Variants in AURKA observed in about 807,000 individuals in gnomAD.
The protein encoded by AURKA is aurora 2.
Under a neutral mutation model 40.9 loss-of-function variants are expected in AURKA, and 12 were observed. That is an observed-to-expected ratio of 0.29 (90% CI 0.19 to 0.48). AURKA has a LOEUF of 0.48. AURKA is among the 20% of genes least tolerant of loss of function. The probability of loss-of-function intolerance (pLI) is 0.99; values close to 1 mark genes in which losing one functional copy is unlikely to be tolerated. For missense variants in AURKA, 322 were observed against 462.1 expected (o/e 0.70, Z 2.78); for synonymous variants, 170 against 164.3 (o/e 1.03, Z -0.26).
chr20:56,391,933 C>A (rs1200431636), intron 1 of AURKA: 3 of 106,132 alleles, frequency 2.8e-5, no homozygotes, highest in African/African-American at 1.1e-4. Flanking sequence ...ACTCAACAAA[C>A]CCCTTGTACC....
chr20:56,386,599 T>C (rs984055251), intron 2 of AURKA, 66 bp from the exon 3 acceptor site: 2 of 1,583,238 alleles, frequency 1.3e-6, no homozygotes, highest in African/African-American at 1.3e-5. Context: ...TATTGAGAAT[T>C]TCACAAAGTT....
intron 3 of AURKA, among the ~76,000 whole-genome samples, chr20:56,385,911 C>T (rs896664789): frequency 1.3e-5 from 2 of 152,208 alleles, no homozygotes; most frequent in African/African-American, 4.8e-5. Context: ...AGTTCACCCA[C>T]TTCTCTGGAT....
chr20:56,371,598 T>C (rs916727827), intron 7 of AURKA, among the ~76,000 whole-genome samples: 1 of 151,174 alleles, frequency 6.6e-6, no homozygotes, highest in African/African-American at 2.4e-5. Context: ...AGTGGGAGAC[T>C]GGTCTGGCTT....
At chr20:56,384,460 TTA>T in intron 3 of AURKA, 136 bp from the exon 4 acceptor site, 3 of 710,502 alleles carry the variant, frequency 4.2e-6, no homozygotes, top group Non-Finnish European at 4.7e-6. Context: ...TTTTTTTTTT[TTA>T]AAGTTTTCCT....
At chr20:56,383,756 C>T (rs1230504135) in intron 4 of AURKA, among the ~76,000 whole-genome samples, 2 of 152,128 alleles carry the variant, frequency 1.3e-5, no homozygotes, top group East Asian at 1.9e-4. Context: ...GTTCATTCCT[C>T]GCTCCTCCCG....
chr20:56,374,993 A>G (rs1327239517), intron 6 of AURKA, among the ~76,000 whole-genome samples: 1 of 152,186 alleles, frequency 6.6e-6, no homozygotes, highest in Non-Finnish European at 1.5e-5. Flanking sequence ...GGTTGCAGTG[A>G]GCCGAGATCA....
At chr20:56,377,192 A>T (rs1437238784) in intron 6 of AURKA, among the ~76,000 whole-genome samples, 1 of 152,188 alleles carries the variant, frequency 6.6e-6, no homozygotes, top group East Asian at 1.9e-4. Context: ...CAGGAGGATC[A>T]CTTGAGCTCA....
chr20:56,375,362 C>T (rs189367407), intron 6 of AURKA, among the ~76,000 whole-genome samples: 2 of 139,228 alleles, frequency 1.4e-5, no homozygotes, highest in Non-Finnish European at 3.0e-5. Flanking sequence ...CTACGCTGGT[C>T]GCTAATTCCT....
intron 5 of AURKA, among the ~76,000 whole-genome samples, chr20:56,381,947 C>T (rs999233137): frequency 2.6e-5 from 4 of 151,976 alleles, no homozygotes; most frequent in Non-Finnish European, 4.4e-5. Flanking sequence ...GGGAGGATCG[C>T]GAGGTCAGGA....
At chr20:56,388,111 T>C (rs759423497) in intron 2 of AURKA, 45 bp downstream of exon 2, 12 of 1,607,270 alleles carry the variant, frequency 7.5e-6, no homozygotes, top group East Asian at 4.5e-5. Context: ...CCAACCTCCA[T>C]GTGGGTTTAT....
intron 4 of AURKA, 101 bp downstream of exon 4, chr20:56,384,169 A>C: frequency 1.2e-6 from 1 of 849,678 alleles, no homozygotes; most frequent in Non-Finnish European, 1.9e-6. Context: ...AAATGCAAAT[A>C]AAGGCCTCAT....
In AURKA at chr20:56,373,114, G is replaced by A. The variant is rs1984488462; in HGVS notation, c.854+294C>T. ...CTCAACATGTGGGCACTTCACCTCT[G>A]TCATATACGTGTCCTATCTGTTGAC... On this transcript the variant is annotated intron_variant, in intron 7 of 8. Coordinates refer to ENST00000395915, the MANE Select transcript of AURKA (RefSeq NM_198437.3). The surrounding 1 kb of genome is among the most constrained non-coding windows in gnomAD (Gnocchi z 5.0). Among the ~76,000 whole-genome samples the A allele has an allele frequency of 6.6e-6, 1 of 152,172 alleles. No individual in the cohort carries two copies. The highest frequency in any genetic ancestry group is 1.5e-5 in the Non-Finnish European group (1 of 68,040).
At chr20:56,372,026 G>T (rs542145842) in intron 7 of AURKA, among the ~76,000 whole-genome samples, 3 of 152,156 alleles carry the variant, frequency 2.0e-5, no homozygotes, top group Admixed American at 2.0e-4. Context: ...TACCAATTCC[G>T]CATTTTTATC....
At chr20:56,377,777 C>T (rs1985126364) in intron 6 of AURKA, among the ~76,000 whole-genome samples, 1 of 151,676 alleles carries the variant, frequency 6.6e-6, no homozygotes, top group Admixed American at 6.6e-5. Flanking sequence ...CAGAGCGAGA[C>T]TCCGTCTCAA....
chr20:56,372,757 T>G (rs1984436306), intron 7 of AURKA, among the ~76,000 whole-genome samples: 2 of 152,206 alleles, frequency 1.3e-5, no homozygotes, highest in African/African-American at 2.4e-5. Flanking sequence ...AATGCCCCAC[T>G]TCATGTGAAG....
chr20:56,386,646 T>A (rs1986419633), intron 2 of AURKA, 113 bp from the exon 3 acceptor site: 1 of 1,204,078 alleles, frequency 8.3e-7, no homozygotes, highest in Admixed American at 1.9e-5. Context: ...ATGTCACTGA[T>A]AAGAGATGGA....
chr20:56,377,773 G>A (rs930813637), intron 6 of AURKA, among the ~76,000 whole-genome samples: 4 of 151,790 alleles, frequency 2.6e-5, no homozygotes, highest in Non-Finnish European at 5.9e-5. Flanking sequence ...GTGACAGAGC[G>A]AGACTCCGTC....
At chr20:56,385,466 T>TC (rs1221035709) in intron 3 of AURKA, among the ~76,000 whole-genome samples, 1 of 151,904 alleles carries the variant, frequency 6.6e-6, no homozygotes, top group East Asian at 1.9e-4. Context: ...CAGTAAATTT[T>TC]TTTTTTTTTT....
intron 3 of AURKA, among the ~76,000 whole-genome samples, chr20:56,384,888 A>T (rs1986163636): frequency 6.6e-6 from 1 of 152,228 alleles, no homozygotes; most frequent in Non-Finnish European, 1.5e-5. Context: ...ATCAGCCACA[A>T]GGACATATGA....
Sources: allele counts gnomAD v4.1 joint callset (sites outside exome capture counted in the v4.1 genomes callset), GRCh38; gene constraint gnomAD v4.1.1; non-coding constraint Gnocchi (gnomAD v3.1); transcripts MANE v1.5; gene names NCBI Gene and HGNC (gene_info 2026-07-23, HGNC 2026-07-21).